PTPRK: variants seen among roughly 807,000 people sequenced by gnomAD.
PTPRK encodes the protein protein tyrosine phosphatase receptor type K, also known as receptor-type tyrosine-protein phosphatase kappa.
Under a neutral mutation model 178.0 loss-of-function variants are expected in PTPRK, and 75 were observed. The observed-to-expected ratio is 0.42, with a 90% CI of 0.35 to 0.51. The LOEUF is 0.51. Among genes scored for constraint, PTPRK ranks in the 20% least tolerant of loss-of-function variants. The pLI, the probability that PTPRK is intolerant of heterozygous loss-of-function variation, is 0.02. For synonymous variants in PTPRK, 637 were observed against 620.6 expected, an observed-to-expected ratio of 1.03 and a Z score of -0.39; for missense variants, 1,441 against 1,797.8, an observed-to-expected ratio of 0.80 and a Z score of 3.59.
At position 128,035,744 on chromosome 6, in the gene PTPRK, C is replaced by T. The variant is rs559649270; in HGVS notation, c.2195-26476G>A. ...TTCTCAGTATAGCAGATAGTGCCTTCTGGAGGCATCTAGGAAATGTGTAGG... is the reference window on the plus strand; with the variant it reads ...TTCTCAGTATAGCAGATAGTGCCTTTTGGAGGCATCTAGGAAATGTGTAGG... On this transcript the variant is annotated intron_variant, in intron 13 of 29. Coordinates refer to ENST00000368226, the MANE Select transcript of PTPRK (RefSeq NM_002844.4). Among the ~76,000 whole-genome samples, 11 of 152,268 alleles carry T rather than the reference C, an allele frequency of 7.2e-5. 1 individual carries two copies. The South Asian group carries it at 2.3e-3, about 32-fold the overall frequency.
chr6:127,973,606 A>C, intron 28 of PTPRK, 58 bp downstream of exon 28: 1 of 1,586,714 alleles, frequency 6.3e-7, no homozygotes. Flanking sequence ...TTTAACATTG[A>C]AAATGAGAAA....
At chr6:128,442,865 C>T (rs1205139439) in intron 1 of PTPRK, among the ~76,000 whole-genome samples, 4 of 152,190 alleles carry the variant, frequency 2.6e-5, no homozygotes, top group African/African-American at 9.6e-5. Flanking sequence ...TACATTAATA[C>T]AGTATCAGTT....
intron 7 of PTPRK, among the ~76,000 whole-genome samples, chr6:128,094,082 CAGTT>C (rs1205360508): frequency 6.6e-6 from 1 of 151,954 alleles, no homozygotes; most frequent in Non-Finnish European, 1.5e-5. Context: ...ACGTAGAACA[CAGTT>C]GGAGAAAATT....
At chr6:128,177,629 A>G (rs892830308) in intron 7 of PTPRK, among the ~76,000 whole-genome samples, 1 of 151,822 alleles carries the variant, frequency 6.6e-6, no homozygotes, top group Non-Finnish European at 1.5e-5. Context: ...TACTGATGAT[A>G]CCACCTATAA....
At chr6:128,437,343 T>C (rs983711094) in intron 1 of PTPRK, among the ~76,000 whole-genome samples, 11 of 152,192 alleles carry the variant, frequency 7.2e-5, no homozygotes, top group Admixed American at 2.0e-4. Context: ...CCTATTTATA[T>C]AAGCAAGCAT....
chr6:128,189,761 C>A (rs1426286327), intron 6 of PTPRK, among the ~76,000 whole-genome samples: 2 of 151,994 alleles, frequency 1.3e-5, no homozygotes, highest in Non-Finnish European at 1.5e-5. Flanking sequence ...AAATTTTTAT[C>A]CAGTTCTGGT....
In PTPRK at chr6:127,991,323, T is replaced by A; in HGVS notation, c.2950A>T (p.Met984Leu). The A allele has an allele frequency of 6.3e-7, 1 of 1,598,690 alleles. No individual in the cohort carries two copies. Among genetic ancestry groups the A allele is most frequent in the African/African-American group, 1.3e-5 (1 of 74,238 alleles). Residue 984 changes from methionine to leucine, a missense_variant, in exon 20 of 30, where the codon ATG becomes TTG. By Grantham distance (15) the Met-to-Leu change is conservative. Coordinates refer to ENST00000368226, the MANE Select transcript of PTPRK (RefSeq NM_002844.4). ...CCAACCTCAACTAAATTTGTAACCA[T>A]CACAATGCAAGCAGATTGTTCTTGC... ...IWQEQSACIV[M>L]VTNLVEVGRV...
At chr6:128,092,669 T>C (rs1390644652) in intron 7 of PTPRK, among the ~76,000 whole-genome samples, 2 of 152,192 alleles carry the variant, frequency 1.3e-5, no homozygotes, top group East Asian at 3.8e-4. Flanking sequence ...TATATGCACA[T>C]GCATTTTTAT....
chr6:128,503,882 GTGTA>G (rs1855926612), intron 1 of PTPRK, among the ~76,000 whole-genome samples: 1 of 143,934 alleles, frequency 6.9e-6, no homozygotes, highest in Admixed American at 6.9e-5. Context: ...GTGTGTGTGT[GTGTA>G]GAGATAAGGT....
chr6:128,164,375 T>A (rs1193815805), intron 7 of PTPRK, among the ~76,000 whole-genome samples: 3 of 151,372 alleles, frequency 2.0e-5, no homozygotes, highest in African/African-American at 7.3e-5. Flanking sequence ...CATTTTCAGA[T>A]GCTTTATTAA....
chr6:128,100,704 A>C (rs1485251591), intron 7 of PTPRK, among the ~76,000 whole-genome samples: 1 of 152,120 alleles, frequency 6.6e-6, no homozygotes, highest in East Asian at 1.9e-4. Context: ...ATAAATAAAT[A>C]AAAGGAAATT....
Position 128,520,107 on chromosome 6 carries a change from C to T in PTPRK, c.100+152G>A, listed in dbSNP as rs558138176. 28 of 626,310 alleles carry T rather than the reference C, an allele frequency of 4.5e-5. No individual in the cohort carries two copies. In the South Asian group the frequency reaches 7.1e-4, roughly 16 times the overall value. 38.8% of individuals were successfully genotyped at this position (626,310 alleles called of 1,614,324 possible). A position where few individuals can be genotyped will look rare whatever the true frequency, so the allele number is the denominator to read the frequency against. On this transcript the variant is annotated intron_variant, in intron 1 of 29. Coordinates refer to ENST00000368226, the MANE Select transcript of PTPRK (RefSeq NM_002844.4). ...CCCCGCGTCCCACCTGGCACGAACT[C>T]TGGGGACAGCCCTCCCTCTACCCTG...
chr6:128,476,230 C>T (rs2128421103), intron 1 of PTPRK, among the ~76,000 whole-genome samples: 1 of 152,060 alleles, frequency 6.6e-6, no homozygotes, highest in Middle Eastern at 3.4e-3. Flanking sequence ...TAAAATCAGA[C>T]CCTCAACAAT....
chr6:128,328,342 C>T (rs567732889), intron 2 of PTPRK, among the ~76,000 whole-genome samples: 1 of 152,150 alleles, frequency 6.6e-6, no homozygotes, highest in African/African-American at 2.4e-5. Context: ...GCTTTGCATA[C>T]AGTAGAAGTC....
rs113921975 is a variant in PTPRK at position 128,329,933 on chromosome 6, G to A, written c.224-7623C>T. On this transcript the variant is annotated intron_variant, in intron 2 of 29. Transcript: ENST00000368226. ...GAGAATCAGATTGTTATGTATGAGCGGAGGAGTACAGAGGACTAAGTAATA... is the reference window on the plus strand; with the variant it reads ...GAGAATCAGATTGTTATGTATGAGCAGAGGAGTACAGAGGACTAAGTAATA... Among the ~76,000 whole-genome samples the A allele has an allele frequency of 7.0e-3, 1,060 of 152,250 alleles. 16 individuals carry two copies. Among genetic ancestry groups the A allele is most frequent in the African/African-American group, 0.024 (997 of 41,538 alleles).
intron 13 of PTPRK, among the ~76,000 whole-genome samples, chr6:128,012,632 C>T (rs922734886): frequency 1.5e-4 from 23 of 151,262 alleles, no homozygotes; most frequent in African/African-American, 5.3e-4. Flanking sequence ...TTTTATTGAG[C>T]AAATTTCTAG....
At chr6:128,300,641 A>G (rs951821081) in intron 3 of PTPRK, among the ~76,000 whole-genome samples, 2 of 145,464 alleles carry the variant, frequency 1.4e-5, no homozygotes, top group African/African-American at 5.1e-5. Flanking sequence ...ATTCTCACTC[A>G]TAGGTGGGAA....
At chr6:128,107,366 C>A (rs1274369607) in intron 7 of PTPRK, among the ~76,000 whole-genome samples, 1 of 151,958 alleles carries the variant, frequency 6.6e-6, no homozygotes, top group Non-Finnish European at 1.5e-5. Context: ...TATACATTTT[C>A]TAAGGAAAAC....
intron 1 of PTPRK, among the ~76,000 whole-genome samples, chr6:128,463,579 TTTTATATA>T: frequency 6.6e-6 from 1 of 151,730 alleles, no homozygotes; most frequent in Non-Finnish European, 1.5e-5. Flanking sequence ...TCTTAAGTAG[TTTTATATA>T]AAACAAGTTT....
Sources: gnomAD v4.1 joint callset for allele counts (sites outside exome capture counted in the v4.1 genomes callset) on GRCh38, gnomAD v4.1.1 for gene constraint, MANE v1.5 for transcripts, NCBI Gene and HGNC (gene_info 2026-07-23, HGNC 2026-07-21) for gene names.